Variants in UBASH3B observed in about 807,000 individuals in gnomAD.
The protein encoded by UBASH3B is ubiquitin associated and SH3 domain containing B, also known as ubiquitin-associated and SH3 domain-containing protein B.
In UBASH3B, 37 loss-of-function variants were observed where a neutral mutation model predicts 83.4. That is an observed-to-expected ratio of 0.44 (90% CI 0.34 to 0.58). UBASH3B has a LOEUF of 0.58. UBASH3B is among the 20% of genes least tolerant of loss of function. The probability of loss-of-function intolerance (pLI) is 0.01; values close to 1 mark genes in which losing one functional copy is unlikely to be tolerated. For missense variants in UBASH3B, 657 were observed against 827.2 expected (o/e 0.79, Z 2.52); for synonymous variants, 304 against 318.3 (o/e 0.96, Z 0.48).
In UBASH3B at chr11:122,777,044, A is replaced by AC; in HGVS notation, c.240dup (p.Phe81LeufsTer4). On this transcript the variant is annotated frameshift_variant, in exon 3 of 14. Transcript: ENST00000284273. LOFTEE classifies it high-confidence loss of function. ...TACAGGTTATTCTCCCATGTCGGTG[A>AC]CCCCTTCCTGGATGACCCCCTGCCC... The AC allele has an allele frequency of 6.2e-7, 1 of 1,609,778 alleles. No homozygotes were observed. The highest frequency in any genetic ancestry group is 1.1e-5 in the South Asian group (1 of 90,638).
Position 122,814,429 on chromosome 11 carries a change from T to C in UBASH3B, c.*4543T>C, listed in dbSNP as rs1861505535. 1 of 152,666 alleles carries C rather than the reference T, an allele frequency of 6.6e-6. No homozygotes were observed. Among genetic ancestry groups the C allele is most frequent in the Non-Finnish European group, 1.5e-5 (1 of 68,040 alleles). 9.5% of individuals were successfully genotyped at this position (152,666 alleles called of 1,614,324 possible). A position where few individuals can be genotyped will look rare whatever the true frequency, so the allele number is the denominator to read the frequency against. ...ATGCACCTTTCAGGAGCATCTCCATTAAATGGTTCATAGATGATTTAATAA... is the reference window on the plus strand; with the variant it reads ...ATGCACCTTTCAGGAGCATCTCCATCAAATGGTTCATAGATGATTTAATAA... On this transcript the variant is annotated 3_prime_UTR_variant, in exon 14 of 14. Transcript: ENST00000284273.
chr11:122,796,779 A>G (rs1402319653), intron 8 of UBASH3B, 132 bp from the exon 9 acceptor site: 20 of 1,190,728 alleles, frequency 1.7e-5, no homozygotes, highest in Middle Eastern at 2.1e-4. Flanking sequence ...GATATTTTCT[A>G]TCAGCTCCAG....
rs1860679161 is a variant in UBASH3B, at chr11:122,723,570, GCAGGCCC to G, written c.162-52643_162-52637del. Among the ~76,000 whole-genome samples, 2 of 152,190 alleles carry G rather than the reference GCAGGCCC, an allele frequency of 1.3e-5. 1 individual carries two copies. Among genetic ancestry groups the G allele is most frequent in the Admixed American group, 1.3e-4 (2 of 15,274 alleles). ...CAGATTTGGAGAAGGTGGTGGAAAG[GCAGGCCC>G]CAGGCAAGTGTCTCAAAGTATCCAT... is the stretch of plus-strand genomic sequence containing the variant. On this transcript the variant is annotated intron_variant, in intron 1 of 13. Transcript: ENST00000284273.
chr11:122,774,336 C>T (rs1860697102), intron 1 of UBASH3B: 2 of 979,622 alleles, frequency 2.0e-6, no homozygotes, highest in Non-Finnish European at 2.4e-6. Flanking sequence ...CATTTGGTAT[C>T]TGTGCGCAGA....
chr11:122,751,122 T>A (rs1861192576), intron 1 of UBASH3B, among the ~76,000 whole-genome samples: 1 of 152,248 alleles, frequency 6.6e-6, no homozygotes, highest in South Asian at 2.1e-4. Flanking sequence ...CTCTCATGTT[T>A]TGGGAAAGTG....
intron 9 of UBASH3B, chr11:122,797,334 G>C: frequency 8.5e-6 from 2 of 236,292 alleles, no homozygotes; most frequent in Non-Finnish European, 1.6e-5. Flanking sequence ...CAAGACAGCA[G>C]CATCTGCCAA....
chr11:122,663,005 C>T (rs1162949672), intron 1 of UBASH3B, among the ~76,000 whole-genome samples: 1 of 122,932 alleles, frequency 8.1e-6, no homozygotes, highest in Non-Finnish European at 1.6e-5. Flanking sequence ...GAGATGGAGT[C>T]TCGCTCTGTT....
At chr11:122,797,984 A>T (rs1447149827) in intron 9 of UBASH3B, among the ~76,000 whole-genome samples, 2 of 152,166 alleles carry the variant, frequency 1.3e-5, no homozygotes, top group African/African-American at 4.8e-5. Context: ...AATCCAGTAG[A>T]CAAAATAACT....
chr11:122,659,656 T>A (rs1255333460), intron 1 of UBASH3B, among the ~76,000 whole-genome samples: 1 of 152,236 alleles, frequency 6.6e-6, no homozygotes, highest in Non-Finnish European at 1.5e-5. Context: ...GGGCTGAGCA[T>A]AATGAAAATC....
intron 1 of UBASH3B, among the ~76,000 whole-genome samples, chr11:122,722,098 T>C (rs564476962): frequency 2.0e-5 from 3 of 152,320 alleles, no homozygotes; most frequent in Admixed American, 2.0e-4. Context: ...CATCTGTTAT[T>C]TTGTTTGAAG....
At chr11:122,772,500 G>C (rs929140007) in intron 1 of UBASH3B, among the ~76,000 whole-genome samples, 1 of 152,044 alleles carries the variant, frequency 6.6e-6, no homozygotes, top group African/African-American at 2.4e-5. Flanking sequence ...GAAAGAGAGA[G>C]AGGGAAGGAG....
At position 122,796,104 on chromosome 11, in the gene UBASH3B, C is replaced by T. The variant is rs929845630; in HGVS notation, c.1114-52C>T. 16 of 1,604,420 alleles carry T rather than the reference C, an allele frequency of 1.0e-5. No homozygotes were observed. The Admixed American group carries it at 2.4e-4, about 24-fold the overall frequency. ...GCTCACCTGGCACCTGGCTCCAAGA[C>T]ATGTCCACTTTGCCATGTGTGTCTT... On this transcript the variant is annotated intron_variant, in intron 7 of 13. Transcript: ENST00000284273.
At chr11:122,792,970 A>G (rs1861086017) in intron 6 of UBASH3B, among the ~76,000 whole-genome samples, 1 of 152,236 alleles carries the variant, frequency 6.6e-6, no homozygotes, top group Non-Finnish European at 1.5e-5. Flanking sequence ...ATAAGTAGAT[A>G]GAATGAGTCT....
chr11:122,709,146 C>G (rs761210649), intron 1 of UBASH3B: 1 of 152,256 alleles, frequency 6.6e-6, no homozygotes, highest in Non-Finnish European at 1.5e-5. Context: ...CCTCAGGAGG[C>G]TGAAATGGGT....
At chr11:122,720,530 C>G (rs1046745407) in intron 1 of UBASH3B, among the ~76,000 whole-genome samples, 3 of 152,236 alleles carry the variant, frequency 2.0e-5, no homozygotes, top group African/African-American at 7.2e-5. Context: ...CTCTGTGTTA[C>G]AAAGTTAAAT....
At chr11:122,663,944 G>A (rs575929678) in intron 1 of UBASH3B, among the ~76,000 whole-genome samples, 6 of 152,314 alleles carry the variant, frequency 3.9e-5, no homozygotes, top group East Asian at 1.9e-4. Flanking sequence ...GCTGGAGAGC[G>A]CCTGGCATTG....
chr11:122,670,626 G>A (rs947134867), intron 1 of UBASH3B, among the ~76,000 whole-genome samples: 3 of 152,072 alleles, frequency 2.0e-5, no homozygotes, highest in Non-Finnish European at 1.5e-5. Context: ...ATGGTGGTTG[G>A]GCTTACAGTG....
At chr11:122,672,466 C>G (rs1336277630) in intron 1 of UBASH3B, among the ~76,000 whole-genome samples, 1 of 152,080 alleles carries the variant, frequency 6.6e-6, no homozygotes, top group Non-Finnish European at 1.5e-5. Flanking sequence ...GCTGGGATCA[C>G]AGATGCACAC....
chr11:122,657,063 A>G (rs543357250), intron 1 of UBASH3B, among the ~76,000 whole-genome samples: 19 of 152,290 alleles, frequency 1.2e-4, no homozygotes, highest in Admixed American at 2.6e-4. Flanking sequence ...TCTGCCTAAG[A>G]GGAAGCCAAG....
Sources: gnomAD v4.1 joint callset for allele counts (sites outside exome capture counted in the v4.1 genomes callset) on GRCh38, gnomAD v4.1.1 for gene constraint, MANE v1.5 for transcripts, NCBI Gene and HGNC (gene_info 2026-07-23, HGNC 2026-07-21) for gene names.